RIMS1: variants seen among roughly 807,000 people sequenced by gnomAD.
RIMS1 encodes regulating synaptic membrane exocytosis 1.
In RIMS1, 83 loss-of-function variants were observed where a neutral mutation model predicts 214.1. That is an observed-to-expected ratio of 0.39 (90% CI 0.32 to 0.47). The LOEUF (loss-of-function observed/expected upper bound fraction) is 0.47. RIMS1 is among the 20% of genes least tolerant of loss of function. The pLI is 0.99. For missense variants in RIMS1, 2,050 were observed against 2,161.8 expected, an observed-to-expected ratio of 0.95 and a Z score of 1.03; for synonymous variants, 793 against 786.8, an observed-to-expected ratio of 1.01 and a Z score of -0.13.
At chr6:71,972,816 A>G (rs968759404) in intron 2 of RIMS1, among the ~76,000 whole-genome samples, 1 of 152,238 alleles carries the variant, frequency 6.6e-6, no homozygotes, top group South Asian at 2.1e-4. Flanking sequence ...AATAATAAAT[A>G]CAATACTAAA....
At chr6:72,343,747 AC>A (rs2097175027) in intron 29 of RIMS1, among the ~76,000 whole-genome samples, 1 of 151,376 alleles carries the variant, frequency 6.6e-6, no homozygotes, top group South Asian at 2.1e-4. Context: ...GGAGTTCAAA[AC>A]CATATGGAGT....
At chr6:72,066,190 A>G (rs537152242) in intron 2 of RIMS1, among the ~76,000 whole-genome samples, 11 of 152,356 alleles carry the variant, frequency 7.2e-5, no homozygotes, top group South Asian at 2.1e-4. Flanking sequence ...TTACATATCT[A>G]CAGATTTCAA....
chr6:72,209,783 C>T (rs928766749), intron 6 of RIMS1, among the ~76,000 whole-genome samples: 2 of 151,880 alleles, frequency 1.3e-5, no homozygotes, highest in African/African-American at 2.4e-5. Context: ...CGCCTGTAGT[C>T]CCAGCTACTC....
intron 2 of RIMS1, among the ~76,000 whole-genome samples, chr6:71,974,708 G>T (rs1267184822): frequency 6.6e-6 from 1 of 152,156 alleles, no homozygotes; most frequent in African/African-American, 2.4e-5. Context: ...AAATGGATAT[G>T]ATAAAATCAA....
At chr6:71,986,084 A>G (rs375643080) in intron 2 of RIMS1, among the ~76,000 whole-genome samples, 20 of 152,170 alleles carry the variant, frequency 1.3e-4, no homozygotes, top group African/African-American at 3.6e-4. Context: ...TCATAAAAGT[A>G]TGTCTTATTC....
At chr6:72,077,623 AAC>A (rs1832252578) in intron 2 of RIMS1, among the ~76,000 whole-genome samples, 1 of 152,194 alleles carries the variant, frequency 6.6e-6, no homozygotes, top group Non-Finnish European at 1.5e-5. Flanking sequence ...TAAGGAGCAA[AAC>A]ACACTCCTCT....
At chr6:72,112,790 C>T (rs977309136) in intron 4 of RIMS1, among the ~76,000 whole-genome samples, 1 of 152,140 alleles carries the variant, frequency 6.6e-6, no homozygotes, top group Non-Finnish European at 1.5e-5. Flanking sequence ...AGTACTTCAC[C>T]CTGTGAAATA....
rs759999855 is a variant in RIMS1, at chr6:72,392,784, G to A, written c.4592G>A (p.Arg1531His). 5 of 1,612,854 alleles carry A rather than the reference G, an allele frequency of 3.1e-6. No homozygotes were observed. Among genetic ancestry groups the A allele is most frequent in the Non-Finnish European group, 4.2e-6 (5 of 1,179,390 alleles). ...DGLGPAQLVG[R>H]QTLATPAMGD... is the part of the protein sequence containing the mutation. ...TTGGGACCAGCCCAGCTTGTTGGCC[G>A]CCAAACCCTTGCCACCCCTGCAATG... Residue 1531 changes from arginine to histidine, a missense_variant, in exon 31 of 34, where the codon CGC becomes CAC. Around this residue, in one of 6 missense-constraint regions of RIMS1, gnomAD observed 121 missense variants for 187.3 expected, o/e 0.65. Transcript: ENST00000521978.
intron 29 of RIMS1, among the ~76,000 whole-genome samples, chr6:72,352,983 CTTTTTTTTTTTTT>C (rs70994123): frequency 2.3e-5 from 2 of 88,288 alleles, no homozygotes; most frequent in East Asian, 8.8e-4. Flanking sequence ...ATTCTTTTTT[CTTTTTTTTTTTTT>C]TTTTTTTTTT....
At chr6:72,292,902 G>A (rs893441898) in intron 26 of RIMS1, among the ~76,000 whole-genome samples, 13 of 151,948 alleles carry the variant, frequency 8.6e-5, no homozygotes, top group African/African-American at 2.9e-4. Context: ...CAACTGAAAG[G>A]TTAACACTTT....
At chr6:72,084,332 C>T (rs1051899775) in intron 2 of RIMS1, among the ~76,000 whole-genome samples, 1 of 152,116 alleles carries the variant, frequency 6.6e-6, no homozygotes, top group Non-Finnish European at 1.5e-5. Context: ...AATTACATTC[C>T]TAATTCATAT....
intron 1 of RIMS1, among the ~76,000 whole-genome samples, chr6:71,940,539 A>C (rs1429845426): frequency 2.0e-5 from 3 of 152,208 alleles, no homozygotes; most frequent in African/African-American, 7.2e-5. Flanking sequence ...AGAAAAATGT[A>C]CTGTGCAGAG....
At chr6:71,968,928 T>G in intron 1 of RIMS1, 55 bp from the exon 2 acceptor site, 1 of 1,470,266 alleles carries the variant, frequency 6.8e-7, no homozygotes, top group Non-Finnish European at 9.5e-7. Context: ...TTTCTAGATG[T>G]GTTCTACCCT....
intron 16 of RIMS1, among the ~76,000 whole-genome samples, chr6:72,254,066 G>A (rs1017200016): frequency 3.3e-5 from 5 of 151,996 alleles, no homozygotes; most frequent in Admixed American, 6.6e-5. Context: ...GGATTTCACC[G>A]TGTTGGCCAG....
chr6:72,085,990 C>G (rs1046174474), intron 2 of RIMS1, among the ~76,000 whole-genome samples: 1 of 152,024 alleles, frequency 6.6e-6, no homozygotes, highest in Admixed American at 6.6e-5. Context: ...GAAATTGTAC[C>G]CACTAATCTT....
chr6:72,284,979 A>G (rs887392299), intron 24 of RIMS1, among the ~76,000 whole-genome samples: 1 of 152,206 alleles, frequency 6.6e-6, no homozygotes, highest in Admixed American at 6.5e-5. Flanking sequence ...CTGAGAGGGG[A>G]CAACGTGAGA....
chr6:71,992,404 C>CTCTTTCTT (rs70994109), intron 2 of RIMS1, among the ~76,000 whole-genome samples: 9,145 of 109,858 alleles, frequency 0.083, 354 homozygotes, highest in East Asian at 0.17. Flanking sequence ...TTCTCTCTCT[C>CTCTTTCTT]TCTTTCTTTC....
chr6:72,256,151 A>T (rs2075759550), intron 16 of RIMS1, among the ~76,000 whole-genome samples: 1 of 152,166 alleles, frequency 6.6e-6, no homozygotes, highest in Admixed American at 6.6e-5. Context: ...CTATAAATGT[A>T]AAAAGCAAAG....
At chr6:71,974,261 A>C (rs1162173714) in intron 2 of RIMS1, among the ~76,000 whole-genome samples, 20 of 151,682 alleles carry the variant, frequency 1.3e-4, no homozygotes, top group Non-Finnish European at 4.4e-5. Flanking sequence ...GTGTGTGTGT[A>C]TGTGTGTATG....
Sources: gnomAD v4.1 joint callset for allele counts (sites outside exome capture counted in the v4.1 genomes callset) on GRCh38, gnomAD v4.1.1 for gene constraint, gnomAD v4.1.1 regional missense constraint, MANE v1.5 for transcripts, NCBI Gene and HGNC (gene_info 2026-07-23, HGNC 2026-07-21) for gene names.